Variants in PARPBP observed in about 807,000 individuals in gnomAD.
The protein encoded by PARPBP is PARP1 binding protein.
In PARPBP, 52 loss-of-function variants were observed where a neutral mutation model predicts 50.0. That is an observed-to-expected ratio of 1.04 (90% CI 0.83 to 1.31). The LOEUF (loss-of-function observed/expected upper bound fraction) is 1.31. Among genes scored for constraint, PARPBP ranks in the 50% most tolerant of loss-of-function variants. PARPBP has a pLI of 0.00. For synonymous variants in PARPBP, 244 were observed against 232.1 expected (o/e 1.05, Z -0.47); for missense variants, 697 against 672.0 (o/e 1.04, Z -0.41).
intron 2 of PARPBP, among the ~76,000 whole-genome samples, chr12:102,127,791 T>A (rs1882236978): frequency 6.6e-6 from 1 of 152,220 alleles, no homozygotes; most frequent in Non-Finnish European, 1.5e-5. Flanking sequence ...GTTTGTATTA[T>A]GGCTAAGAGT....
chr12:102,151,765 C>T (rs767645699), intron 3 of PARPBP: 45 of 1,535,438 alleles, frequency 2.9e-5, no homozygotes, highest in South Asian at 2.5e-4. Context: ...GAAGAAGAGA[C>T]GAGACCTGAA....
chr12:102,146,323 A>G (rs1885345613), intron 2 of PARPBP, among the ~76,000 whole-genome samples: 1 of 152,190 alleles, frequency 6.6e-6, no homozygotes, highest in African/African-American at 2.4e-5. Context: ...ACTATACTAC[A>G]AGGCTACAGT....
At chr12:102,193,908 G>A (rs931723623) in intron 9 of PARPBP, among the ~76,000 whole-genome samples, 1 of 151,820 alleles carries the variant, frequency 6.6e-6, no homozygotes, top group Non-Finnish European at 1.5e-5. Flanking sequence ...ATATTTTCAC[G>A]TTTATTTTCA....
chr12:102,158,689 G>T (rs558991073), intron 4 of PARPBP, among the ~76,000 whole-genome samples: 1 of 151,742 alleles, frequency 6.6e-6, no homozygotes. Context: ...ATCTTTTCTC[G>T]GTGGCGCTTA....
At position 102,195,348 on chromosome 12, in the gene PARPBP, A is replaced by G. The variant is rs1363077047; in HGVS notation, c.1300A>G (p.Thr434Ala). 1 of 1,580,004 alleles carries G rather than the reference A, an allele frequency of 6.3e-7. No individual in the cohort carries two copies. The highest frequency in any genetic ancestry group is 8.7e-7 in the Non-Finnish European group (1 of 1,155,492). Residue 434 changes from threonine (T) to alanine (A), a missense_variant, in exon 10 of 11, where the codon ACT (threonine) becomes GCT (alanine). By Grantham distance (58) the Thr-to-Ala change is moderately conservative. Transcript: ENST00000327680. ...TTTAATTAGATCCCAATTTGCTTGT[A>G]CTTATAAAGATGACTACATGATAAG... is the stretch of plus-strand genomic sequence containing the variant. Reference protein sequence around the residue: ...QTLIRSQFACTYKDDYMISKD... With the variant: ...QTLIRSQFACAYKDDYMISKD...
chr12:102,137,553 G>A (rs891524673), intron 2 of PARPBP, among the ~76,000 whole-genome samples: 4 of 151,292 alleles, frequency 2.6e-5, no homozygotes, highest in South Asian at 2.1e-4. Context: ...TGTGCACAAC[G>A]TGCAGGTTTG....
rs924178352 is a variant in PARPBP at position 102,120,251 on chromosome 12, A to C, written c.-39A>C. 8.8e-5 allele frequency: 23 copies of C among 260,406 alleles called. No homozygotes were observed. The highest frequency in any genetic ancestry group is 1.8e-4 in the Non-Finnish European group (22 of 124,036). The allele number at this position is 260,406 out of a possible 1,614,324, so 16.1% of individuals were successfully genotyped here. A position where few individuals can be genotyped will look rare whatever the true frequency, so the allele number is the denominator to read the frequency against. ...CATCCCGTTGGGGATCCTTCCGCAC[A>C]CTGAAGAGTACGTCTTCGGGTCTAC... On this transcript the variant is annotated 5_prime_UTR_variant, in exon 1 of 11. Coordinates refer to ENST00000327680, the MANE Select transcript of PARPBP (RefSeq NM_017915.5).
intron 3 of PARPBP, 33 bp from the exon 4 acceptor site, chr12:102,153,836 C>G: frequency 8.9e-7 from 1 of 1,129,592 alleles, no homozygotes; most frequent in South Asian, 1.2e-5. Context: ...GTCAGCATAG[C>G]ATTTTATTAG....
intron 4 of PARPBP, among the ~76,000 whole-genome samples, chr12:102,155,584 G>A (rs576825730): frequency 8.5e-6 from 1 of 117,982 alleles, no homozygotes; most frequent in African/African-American, 3.2e-5. Context: ...TCTATCGCCT[G>A]AGAGCATGGT....
intron 1 of PARPBP, 142 bp downstream of exon 1, chr12:102,120,428 A>T (rs1880815612): frequency 4.4e-6 from 2 of 456,162 alleles, no homozygotes; most frequent in South Asian, 3.1e-5. Flanking sequence ...CAGTGACTTG[A>T]CGCTCGAGCC....
intron 9 of PARPBP, among the ~76,000 whole-genome samples, chr12:102,189,867 G>A (rs1890638960): frequency 1.3e-5 from 2 of 152,140 alleles, no homozygotes; most frequent in Non-Finnish European, 2.9e-5. Flanking sequence ...AAAGTAAACG[G>A]TGGAAATTAA....
At chr12:102,158,120 CAAA>C (rs55962862) in intron 4 of PARPBP, among the ~76,000 whole-genome samples, 2 of 47,990 alleles carry the variant, frequency 4.2e-5, no homozygotes, top group African/African-American at 8.5e-5. Flanking sequence ...GACTCCATCT[CAAA>C]AAAAAAAAAA....
chr12:102,164,971 A>T (rs1023746002), intron 5 of PARPBP, among the ~76,000 whole-genome samples: 2 of 152,202 alleles, frequency 1.3e-5, no homozygotes, highest in Admixed American at 1.3e-4. Flanking sequence ...CCATGATTGT[A>T]TATAAGAGCT....
chr12:102,135,536 C>CAAAAAAAAA (rs34890863), intron 2 of PARPBP, among the ~76,000 whole-genome samples: 1 of 50,554 alleles, frequency 2.0e-5, no homozygotes. Context: ...ACTCCGTCTC[C>CAAAAAAAAA]AAAAAAAAAA....
intron 9 of PARPBP, among the ~76,000 whole-genome samples, chr12:102,188,318 T>A (rs755067269): frequency 6.6e-6 from 1 of 150,960 alleles, no homozygotes; most frequent in Non-Finnish European, 1.5e-5. Flanking sequence ...GGGTGGGAGA[T>A]CACAGAACAT....
rs994264525 is a variant in PARPBP at position 102,151,578 on chromosome 12, T to C, written c.388-2291T>C. 2.6e-6 allele frequency: 4 copies of C among 1,535,296 alleles called. No individual in the cohort carries two copies. In the African/African-American group the frequency reaches 5.5e-5, roughly 21 times the overall value. ...TCTGATCTACCTGGCAGGGGTCAAC[T>C]ATACAGCCACCTTCAGAAAGAGGAA... On this transcript the variant is annotated intron_variant, in intron 3 of 10. Coordinates refer to ENST00000327680, the MANE Select transcript of PARPBP (RefSeq NM_017915.5).
At chr12:102,122,655 A>C (rs1376464443) in intron 1 of PARPBP, among the ~76,000 whole-genome samples, 1 of 152,218 alleles carries the variant, frequency 6.6e-6, no homozygotes, top group Non-Finnish European at 1.5e-5. Context: ...GCACTACCTC[A>C]AATTATTTTG....
intron 3 of PARPBP, chr12:102,151,689 A>G (rs1594523993): frequency 6.5e-7 from 1 of 1,535,662 alleles, no homozygotes; most frequent in Non-Finnish European, 8.7e-7. Flanking sequence ...GGCAGAAGGG[A>G]GAGTCCCTCT....
intron 9 of PARPBP, 85 bp from the exon 10 acceptor site, chr12:102,195,227 A>T (rs1049714861): frequency 4.5e-5 from 34 of 758,674 alleles, no homozygotes; most frequent in Non-Finnish European, 6.4e-5. Flanking sequence ...TTATACCTTG[A>T]TTACTATAGA....
Sources: allele counts gnomAD v4.1 joint callset (sites outside exome capture counted in the v4.1 genomes callset), GRCh38; gene constraint gnomAD v4.1.1; transcripts MANE v1.5; gene names NCBI Gene and HGNC (gene_info 2026-07-23, HGNC 2026-07-21).